AFAP1L2: variants seen among roughly 807,000 people sequenced by gnomAD.
AFAP1L2 encodes the protein actin filament associated protein 1 like 2, also known as actin filament-associated protein 1-like 2.
AFAP1L2 carries 46 observed loss-of-function variants against 99.3 expected under a neutral mutation model. The observed-to-expected ratio is 0.46, with a 90% CI of 0.37 to 0.59. AFAP1L2 has a LOEUF of 0.59. Among genes scored for constraint, AFAP1L2 ranks in the 20% least tolerant of loss-of-function variants. AFAP1L2 has a pLI of 0.00. For missense variants in AFAP1L2, 959 were observed against 1,034.9 expected (o/e 0.93, Z 1.01); for synonymous variants, 397 against 419.1 (o/e 0.95, Z 0.64).
At chr10:114,355,241 C>G (rs1176551137) in intron 1 of AFAP1L2, among the ~76,000 whole-genome samples, 5 of 145,460 alleles carry the variant, frequency 3.4e-5, no homozygotes, top group Admixed American at 7.1e-5. Context: ...AGAAGCCTTT[C>G]TCTTCTCGCT....
At chr10:114,293,177 A>C (rs183560971), downstream of AFAP1L2, among the ~76,000 whole-genome samples, 175 of 152,360 alleles carry the variant, frequency 1.1e-3, no homozygotes, top group African/African-American at 3.3e-3. Context: ...ATAATCATCT[A>C]TATTCAAGGG....
Position 114,295,101 on chromosome 10 carries a change from C to T in AFAP1L2, c.*941G>A. The T allele has an allele frequency of 1.0e-6, 1 of 984,728 alleles. No homozygotes were observed. Among genetic ancestry groups the T allele is most frequent in the Non-Finnish European group, 1.2e-6 (1 of 829,818 alleles). 61.0% of individuals were successfully genotyped at this position (984,728 alleles called of 1,614,324 possible). A position where few individuals can be genotyped will look rare whatever the true frequency, so the allele number is the denominator to read the frequency against. ...ACTGCCAATTTTAAGAGGGCGATCA[C>T]CCTAACCAAAAATCACCACTTTGTT... On this transcript the variant is annotated 3_prime_UTR_variant, in exon 19 of 19. Coordinates refer to ENST00000304129, the MANE Select transcript of AFAP1L2 (RefSeq NM_001001936.3).
chr10:114,310,699 G>A (rs890453783), intron 7 of AFAP1L2, among the ~76,000 whole-genome samples: 6 of 152,158 alleles, frequency 3.9e-5, no homozygotes, highest in Non-Finnish European at 5.9e-5. Flanking sequence ...ATGGGCATGC[G>A]AGGGGGGGCC....
At chr10:114,294,723 A>C, downstream of AFAP1L2, 100 of 702,136 alleles carry the variant, frequency 1.4e-4, no homozygotes, top group South Asian at 2.6e-4. Flanking sequence ...GTTTCCTGCT[A>C]GGATCCCATC....
rs568196900 is a variant in AFAP1L2, at chr10:114,341,259, C to T, written c.17-528G>A. The stretch of plus-strand genomic sequence containing the variant: ...TCTGAAGCTCTATGGTTGTAAGCCT[C>T]GCCTTGGCTTGACTGCACGGCTTTA... On this transcript the variant is annotated intron_variant, in intron 1 of 18. Coordinates refer to ENST00000304129, the MANE Select transcript of AFAP1L2 (RefSeq NM_001001936.3). Among the ~76,000 whole-genome samples, 9 of 152,298 alleles carry T rather than the reference C, an allele frequency of 5.9e-5. No homozygotes were observed. In the South Asian group the frequency reaches 1.2e-3, roughly 21 times the overall value.
chr10:114,399,711 G>A (rs180900414), intron 1 of AFAP1L2, among the ~76,000 whole-genome samples: 161 of 152,164 alleles, frequency 1.1e-3, no homozygotes, highest in African/African-American at 2.3e-3. Flanking sequence ...CATGGCCTAC[G>A]GCATTCTCTT....
At chr10:114,320,998 C>T (rs1206921330) in intron 5 of AFAP1L2, among the ~76,000 whole-genome samples, 1 of 152,204 alleles carries the variant, frequency 6.6e-6, no homozygotes, top group Non-Finnish European at 1.5e-5. Context: ...TTAGAATAGA[C>T]TCAGCCTAAA....
intron 2 of AFAP1L2, among the ~76,000 whole-genome samples, chr10:114,339,003 TCA>T (rs1345319806): frequency 6.6e-6 from 1 of 152,206 alleles, no homozygotes; most frequent in East Asian, 1.9e-4. Context: ...TCTCCAGGTC[TCA>T]GTTTCCCCCT....
chr10:114,338,818 G>A (rs2048355797), intron 2 of AFAP1L2, among the ~76,000 whole-genome samples: 1 of 152,196 alleles, frequency 6.6e-6, no homozygotes, highest in Admixed American at 6.5e-5. Context: ...GGGTGATCAG[G>A]ACGCAAGGGT....
intron 1 of AFAP1L2, among the ~76,000 whole-genome samples, chr10:114,348,568 A>C (rs1294533415): frequency 1.3e-5 from 2 of 152,240 alleles, no homozygotes; most frequent in Non-Finnish European, 2.9e-5. Flanking sequence ...ACTTCTGCAC[A>C]GAACAGCAGT....
In AFAP1L2 at chr10:114,305,396, G is replaced by A. The variant is rs571746963; in HGVS notation, c.1073-466C>T. ...GCAGGAGAGAGCGGGGCTGCAGGAG[G>A]GGACGGCGCTGCAGAAGGAGATGCA... On this transcript the variant is annotated intron_variant, in intron 10 of 18. Coordinates refer to ENST00000304129, the MANE Select transcript of AFAP1L2 (RefSeq NM_001001936.3). Among the ~76,000 whole-genome samples the A allele has an allele frequency of 5.6e-4, 76 of 136,444 alleles. 2 individuals carry two copies. The highest frequency in any genetic ancestry group is 1.9e-3 in the African/African-American group (70 of 37,544). 89.5% of individuals were successfully genotyped at this position (136,444 alleles called of 152,430 possible). A position where few individuals can be genotyped will look rare whatever the true frequency, so the allele number is the denominator to read the frequency against.
At chr10:114,369,571 G>A (rs1355844149) in intron 1 of AFAP1L2, among the ~76,000 whole-genome samples, 1 of 147,820 alleles carries the variant, frequency 6.8e-6, no homozygotes. Context: ...GTCCAGCCTG[G>A]GCCACAGAGC....
At chr10:114,314,786 C>A (rs2043848314) in intron 6 of AFAP1L2, among the ~76,000 whole-genome samples, 1 of 54,990 alleles carries the variant, frequency 1.8e-5, no homozygotes, top group Non-Finnish European at 7.3e-5. Flanking sequence ...GTCTTGTAAT[C>A]ACTAATTCAA....
intron 16 of AFAP1L2, among the ~76,000 whole-genome samples, chr10:114,297,694 C>T: frequency 6.6e-6 from 1 of 152,236 alleles, no homozygotes; most frequent in South Asian, 2.1e-4. Context: ...TTCTCAGAGA[C>T]TCTTGGTTGC....
chr10:114,308,490 C>T lies in AFAP1L2; in HGVS notation c.910G>A (p.Ala304Thr), dbSNP rs780442826. 15 of 1,614,012 alleles carry T rather than the reference C, an allele frequency of 9.3e-6. No individual in the cohort carries two copies. The highest frequency in any genetic ancestry group is 1.3e-5 in the Non-Finnish European group (15 of 1,180,034). ...KPDIAEKYLSASEYGSSVDGH... is the reference protein window; with the variant it reads ...KPDIAEKYLSTSEYGSSVDGH... The stretch of plus-strand genomic sequence containing the variant: ...TCCACGGAGCTCCCATACTCTGAAG[C>T]CGACAGGTACTTCTCAGCTATATCT... Residue 304 changes from alanine (A) to threonine (T), a missense_variant, in exon 9 of 19, where the codon GCT becomes ACT. Coordinates refer to ENST00000304129, the MANE Select transcript of AFAP1L2 (RefSeq NM_001001936.3).
chr10:114,369,467 C>T (rs955290988), intron 1 of AFAP1L2, among the ~76,000 whole-genome samples: 5 of 151,794 alleles, frequency 3.3e-5, no homozygotes, highest in Non-Finnish European at 7.4e-5. Context: ...TGGTGGCGGG[C>T]GCCTGTAGTC....
chr10:114,319,463 G>C lies in AFAP1L2; in HGVS notation c.407-3698C>G, dbSNP rs1280206180. 1.1e-5 allele frequency: 10 copies of C among 914,350 alleles called. No homozygotes were observed. The Admixed American group carries it at 2.3e-4, about 21-fold the overall frequency. 56.6% of individuals were successfully genotyped at this position (914,350 alleles called of 1,614,324 possible). A position where few individuals can be genotyped will look rare whatever the true frequency, so the allele number is the denominator to read the frequency against. On this transcript the variant is annotated intron_variant, in intron 5 of 18. Transcript: ENST00000304129. ...AGTGCAAGACTCATGCACGAGGACA[G>C]GAAGAAGACAGTGGCCACCCTCGGG...
intron 1 of AFAP1L2, among the ~76,000 whole-genome samples, chr10:114,385,949 A>G (rs1172771394): frequency 6.6e-6 from 1 of 151,480 alleles, no homozygotes; most frequent in Non-Finnish European, 1.5e-5. Context: ...CCCCCTCAGG[A>G]GTCCCTGAGG....
chr10:114,306,390 G>A (rs1013257051), intron 10 of AFAP1L2, among the ~76,000 whole-genome samples: 2 of 151,674 alleles, frequency 1.3e-5, no homozygotes, highest in Non-Finnish European at 2.9e-5. Flanking sequence ...TGGGTGTCTA[G>A]GTGTGTCCTA....
Sources: allele counts gnomAD v4.1 joint callset (sites outside exome capture counted in the v4.1 genomes callset), GRCh38; gene constraint gnomAD v4.1.1; transcripts MANE v1.5; gene names NCBI Gene and HGNC (gene_info 2026-07-23, HGNC 2026-07-21).